CNOT3: variants seen among roughly 807,000 people sequenced by gnomAD.
The protein encoded by CNOT3 is CCR4-associated factor 3.
In CNOT3, 2 loss-of-function variants were observed where a neutral mutation model predicts 89.4. That is an observed-to-expected ratio of 0.02 (90% confidence interval 0.01 to 0.07). CNOT3 has a LOEUF of 0.07. Among genes scored for constraint, CNOT3 ranks in the 10% least tolerant of loss-of-function variants. The pLI is 1.00. For missense variants in CNOT3, 664 were observed against 1,010.2 expected, an observed-to-expected ratio of 0.66 and a Z score of 4.65; for synonymous variants, 486 against 402.0, an observed-to-expected ratio of 1.21 and a Z score of -2.50.
rs776719450 is a variant in CNOT3, at chr19:54,145,866, G to C, written c.704-44G>C. The C allele has an allele frequency of 1.2e-6, 2 of 1,611,010 alleles. No homozygotes were observed. The highest frequency in any genetic ancestry group is 8.5e-7 in the Non-Finnish European group (1 of 1,177,958). ...GCACAGGAAGTGAGGGCCCAGAATG[G>C]GCTGTGTGAGCCAGCTAAGCATGCC... On this transcript the variant is annotated intron_variant, in intron 8 of 17. Transcript: ENST00000221232. The surrounding 1 kb of genome is among the most constrained non-coding windows in gnomAD (Gnocchi z 5.9).
intron 13 of CNOT3, 90 bp from the exon 14 acceptor site, chr19:54,152,136 A>G (rs903476712): frequency 7.2e-7 from 1 of 1,398,272 alleles, no homozygotes; most frequent in African/African-American, 1.4e-5. Context: ...GCCCCCAAAC[A>G]GGGCAGGTGA....
Position 54,148,777 on chromosome 19 carries a change from G to A in CNOT3, c.1406+34G>A, listed in dbSNP as rs1475572639. On this transcript the variant is annotated intron_variant, in intron 12 of 17. Coordinates refer to ENST00000221232, the MANE Select transcript of CNOT3 (RefSeq NM_014516.4). This position sits in a 1 kb window ranked among gnomAD's most constrained non-coding sequence, Gnocchi z 6.3. ...CTCGGCCATCGGCAGGGTTGGGATGGCAGCCTTTTGAAACAGAGAGGCGCA... is the reference window on the plus strand; with the variant it reads ...CTCGGCCATCGGCAGGGTTGGGATGACAGCCTTTTGAAACAGAGAGGCGCA... 1.6e-5 allele frequency: 25 copies of A among 1,599,016 alleles called. No individual in the cohort carries two copies. The highest frequency in any genetic ancestry group is 2.0e-5 in the Non-Finnish European group (24 of 1,172,576).
chr19:54,151,333 G>C (rs12974102), intron 13 of CNOT3, among the ~76,000 whole-genome samples: 2 of 152,246 alleles, frequency 1.3e-5, no homozygotes, highest in South Asian at 4.2e-4. Flanking sequence ...AGGGTGGTCT[G>C]GGCAGGAGAG....
At chr19:54,147,796 T>C (rs1436463030) in intron 10 of CNOT3, among the ~76,000 whole-genome samples, 4 of 152,216 alleles carry the variant, frequency 2.6e-5, no homozygotes. Flanking sequence ...AATCTCATAT[T>C]GAGAACACTT....
At chr19:54,147,003 C>G (rs752676232) in intron 10 of CNOT3, among the ~76,000 whole-genome samples, 1 of 152,130 alleles carries the variant, frequency 6.6e-6, no homozygotes, top group Non-Finnish European at 1.5e-5. Flanking sequence ...AGAGATGAGT[C>G]TGGCCAGGTC....
rs1330476367 is a variant in CNOT3 at position 54,155,603 on chromosome 19, C to T, written c.*196C>T. On this transcript the variant is annotated 3_prime_UTR_variant, in exon 18 of 18. Transcript: ENST00000221232. ...CCGGGGGCGAGGGCTGCCCCCTCCT[C>T]CCCTCCCCAGTGAGGGACATTTTTT... 1.7e-6 allele frequency: 2 copies of T among 1,145,136 alleles called. No individual in the cohort carries two copies. Among genetic ancestry groups the T allele is most frequent in the Non-Finnish European group, 2.5e-6 (2 of 812,110 alleles). 70.9% of individuals were successfully genotyped at this position (1,145,136 alleles called of 1,614,324 possible). A position where few individuals can be genotyped will look rare whatever the true frequency, so the allele number is the denominator to read the frequency against.
intron 17 of CNOT3, chr19:54,154,084 C>T: frequency 1.4e-6 from 1 of 698,930 alleles, no homozygotes; most frequent in Non-Finnish European, 2.7e-6. Flanking sequence ...CTCAAAGAAA[C>T]CTTCCTGGAG....
At chr19:54,143,284 A>C in intron 3 of CNOT3, 98 bp downstream of exon 3, 1 of 1,200,472 alleles carries the variant, frequency 8.3e-7, no homozygotes, top group Admixed American at 1.7e-5. Flanking sequence ...GAGGGGCTAC[A>C]TATGCAGATG....
chr19:54,149,608 A>T lies in CNOT3; in HGVS notation c.1455A>T (p.Pro485=). 1 of 1,611,714 alleles carries T rather than the reference A, an allele frequency of 6.2e-7. No individual in the cohort carries two copies. Among genetic ancestry groups the T allele is most frequent in the Non-Finnish European group, 8.5e-7 (1 of 1,178,628 alleles). Residue 485 remains proline, a synonymous_variant, in exon 13 of 18, where the codon CCA becomes CCT. Transcript: ENST00000221232. The part of the protein sequence containing the change: ...AAPTGAGGVA[P]GSGNNSGGPS... Reference sequence around the variant, plus strand: ...CAACGGGGGCTGGGGGCGTGGCCCCAGGCTCAGGGAACAACTCAGGGGGAC... The same window carrying T: ...CAACGGGGGCTGGGGGCGTGGCCCCTGGCTCAGGGAACAACTCAGGGGGAC...
At chr19:54,149,817 C>T in intron 13 of CNOT3, 59 bp downstream of exon 13, 1 of 1,499,818 alleles carries the variant, frequency 6.7e-7, no homozygotes, top group South Asian at 1.3e-5. Flanking sequence ...TTCTTTCCTC[C>T]AGGTCTCTAG....
chr19:54,148,411 C>G lies in CNOT3; in HGVS notation c.1158C>G (p.Thr386=), dbSNP rs1370597375. ...CAGCTCCCAGTGGGCCCAGCACGAC[C>G]CAGCCCCGGCCCCCCAGCGTCCAGC... ...APPAPSGPST[T]QPRPPSVQPS... Residue 386 remains threonine, a synonymous_variant, in exon 11 of 18, where the codon ACC becomes ACG. Coordinates refer to ENST00000221232, the MANE Select transcript of CNOT3 (RefSeq NM_014516.4). This position sits in a 1 kb window ranked among gnomAD's most constrained non-coding sequence, Gnocchi z 6.3. The G allele has an allele frequency of 6.4e-7, 1 of 1,564,620 alleles. No homozygotes were observed. Among genetic ancestry groups the G allele is most frequent in the African/African-American group, 1.4e-5 (1 of 73,780 alleles).
Position 54,145,999 on chromosome 19 carries a change from A to G in CNOT3, c.793A>G (p.Thr265Ala). Residue 265 changes from threonine (T) to alanine (A), a missense_variant, in exon 9 of 18, where the codon ACC becomes GCC. Coordinates refer to ENST00000221232, the MANE Select transcript of CNOT3 (RefSeq NM_014516.4). This position sits in a 1 kb window ranked among gnomAD's most constrained non-coding sequence, Gnocchi z 5.9. Reference sequence around the variant, plus strand: ...GTCCAGCAGCACGCCCACCTCAACCACCTCCAGCTCTCCCATCCCGCCCAG... The same window carrying G: ...GTCCAGCAGCACGCCCACCTCAACCGCCTCCAGCTCTCCCATCCCGCCCAG... ...NQSSSTPTST[T>A]SSSPIPPSPA... 6.2e-7 allele frequency: 1 copy of G among 1,612,622 alleles called. No homozygotes were observed. The highest frequency in any genetic ancestry group is 8.5e-7 in the Non-Finnish European group (1 of 1,179,348).
At chr19:54,153,949 G>C (rs762827837) in intron 17 of CNOT3, 109 bp downstream of exon 17, 1 of 1,417,442 alleles carries the variant, frequency 7.1e-7, no homozygotes, top group Non-Finnish European at 1.0e-6. Context: ...TTCAGCTGGC[G>C]CAGTCCCTCA....
chr19:54,150,737 A>G (rs2146716153), intron 13 of CNOT3, among the ~76,000 whole-genome samples: 1 of 150,062 alleles, frequency 6.7e-6, no homozygotes, highest in East Asian at 2.0e-4. Flanking sequence ...GGAAGACTAA[A>G]TCATCCTCAT....
intron 1 of CNOT3, chr19:54,141,422 G>C (rs1430253161): frequency 2.0e-5 from 3 of 152,212 alleles, no homozygotes; most frequent in African/African-American, 7.2e-5. Context: ...TAAGGTACCA[G>C]CCCTGTCCTT....
In CNOT3 at chr19:54,145,384, G is replaced by C. The variant is rs1213715088; in HGVS notation, c.484-214G>C. Among the ~76,000 whole-genome samples, 1 of 152,140 alleles carries C rather than the reference G, an allele frequency of 6.6e-6. No homozygotes were observed. Among genetic ancestry groups the C allele is most frequent in the African/African-American group, 2.4e-5 (1 of 41,424 alleles). On this transcript the variant is annotated intron_variant, in intron 7 of 17. Transcript: ENST00000221232. This position sits in a 1 kb window ranked among gnomAD's most constrained non-coding sequence, Gnocchi z 5.9. ...TGGAGCCAGAAAGGTGTGGGGAGAG[G>C]AGGGAGCAGTGGGATCCCAAGATGT...
rs1245494652 is a variant in CNOT3 at position 54,146,019 on chromosome 19, G to T, written c.813G>T (p.Pro271=). The change falls in exon 9 of 18, where the codon CCG becomes CCT. Residue 271 remains proline, a synonymous_variant. Coordinates refer to ENST00000221232, the MANE Select transcript of CNOT3 (RefSeq NM_014516.4). ...PTSTTSSSPI[P]PSPANCTTEN... is the part of the protein sequence containing the mutation. ...CAACCACCTCCAGCTCTCCCATCCC[G>T]CCCAGCCCAGCCAACTGTACCACGG... 6 of 1,203,332 alleles carry T rather than the reference G, an allele frequency of 5.0e-6. No individual in the cohort carries two copies. Among genetic ancestry groups the T allele is most frequent in the African/African-American group, 1.5e-5 (1 of 64,780 alleles). 74.5% of individuals were successfully genotyped at this position (1,203,332 alleles called of 1,614,324 possible).
Position 54,148,882 on chromosome 19 carries a change from C to A in CNOT3, c.1406+139C>A. ...ATGGCCAAGCGCTATCCTCCATCTC[C>A]CTCGGGTGTTACACCCCCACTTCTT... On this transcript the variant is annotated intron_variant, in intron 12 of 17. Transcript: ENST00000221232. The surrounding 1 kb of genome is among the most constrained non-coding windows in gnomAD (Gnocchi z 6.3). 1 of 725,602 alleles carries A rather than the reference C, an allele frequency of 1.4e-6. No individual in the cohort carries two copies. The highest frequency in any genetic ancestry group is 2.2e-6 in the Non-Finnish European group (1 of 446,744). The allele number at this position is 725,602 out of a possible 1,614,324, so 44.9% of individuals were successfully genotyped here.
chr19:54,138,389 C>T (rs2146510500), intron 1 of CNOT3, among the ~76,000 whole-genome samples: 1 of 152,312 alleles, frequency 6.6e-6, no homozygotes, highest in Non-Finnish European at 1.5e-5. Flanking sequence ...AGGATGGAGG[C>T]GCCCCTGGTC....
Sources: allele counts gnomAD v4.1 joint callset (sites outside exome capture counted in the v4.1 genomes callset), GRCh38; gene constraint gnomAD v4.1.1; non-coding constraint Gnocchi (gnomAD v3.1); transcripts MANE v1.5; gene names NCBI Gene and HGNC (gene_info 2026-07-23, HGNC 2026-07-21).